The following VPS13A variants were observed in gnomAD, a reference collection of about 807,000 sequenced individuals.
VPS13A encodes vacuolar protein sorting 13 homolog A, also known as intermembrane lipid transfer protein VPS13A.
In VPS13A, 264 loss-of-function variants were observed where a neutral mutation model predicts 390.9. The observed-to-expected ratio is 0.68, with a 90% CI of 0.61 to 0.75. VPS13A has a LOEUF of 0.75. VPS13A is among the 30% of genes least tolerant of loss of function. VPS13A has a pLI of 0.00. For missense variants in VPS13A, 3,409 were observed against 3,733.9 expected (o/e 0.91, Z 2.27); for synonymous variants, 1,231 against 1,227.1 (o/e 1.00, Z -0.07).
chr9:77,306,434 G>GTGTGTC (rs1828757214), intron 34 of VPS13A, among the ~76,000 whole-genome samples: 1 of 151,552 alleles, frequency 6.6e-6, no homozygotes, highest in Admixed American at 6.6e-5. Flanking sequence ...GTGTGTGTGT[G>GTGTGTC]TGTGTGTGTG....
At chr9:77,399,914 G>A (rs1834296149) in intron 68 of VPS13A, among the ~76,000 whole-genome samples, 1 of 152,030 alleles carries the variant, frequency 6.6e-6, no homozygotes. Flanking sequence ...ACATTCTCTT[G>A]TAATATAATT....
Position 77,321,797 on chromosome 9 carries a change from A to G in VPS13A, c.5830+51A>G, listed in dbSNP as rs1265002122. The G allele has an allele frequency of 3.8e-6, 6 of 1,593,158 alleles. No individual in the cohort carries two copies. The Admixed American group carries it at 5.1e-5, about 13-fold the overall frequency. The stretch of plus-strand genomic sequence containing the variant: ...TGGGGCTATTTTGTTTTAAATTACA[A>G]TTTACATGTTATTTTACTCTTTTGT... On this transcript the variant is annotated intron_variant, in intron 44 of 71. Coordinates refer to ENST00000360280, the MANE Select transcript of VPS13A (RefSeq NM_033305.3).
At chr9:77,189,585 C>T (rs1223410139) in intron 1 of VPS13A, among the ~76,000 whole-genome samples, 4 of 152,024 alleles carry the variant, frequency 2.6e-5, no homozygotes, top group African/African-American at 9.7e-5. Context: ...GCTATTCAGG[C>T]TACTTTTTTG....
intron 57 of VPS13A, 147 bp from the exon 58 acceptor site, chr9:77,359,186 G>A (rs1831990239): frequency 2.9e-6 from 2 of 682,508 alleles, no homozygotes; most frequent in Non-Finnish European, 5.2e-6. Flanking sequence ...AATTAAGATT[G>A]TAGTAGATTT....
rs756028425 is a variant in VPS13A at position 77,380,469 on chromosome 9, G to A, written c.9078-1507G>A. Among the ~76,000 whole-genome samples, 4 of 151,650 alleles carry A rather than the reference G, an allele frequency of 2.6e-5. No individual in the cohort carries two copies. In the East Asian group the frequency reaches 5.8e-4, roughly 22 times the overall value. The stretch of plus-strand genomic sequence containing the variant: ...TGGGACTACATGCACATGCCACCAC[G>A]CCCGGCTAATTTTTGTATTTTTAGT... On this transcript the variant is annotated intron_variant, in intron 67 of 71. Transcript: ENST00000360280.
Position 77,308,419 on chromosome 9 carries a change from A to G in VPS13A, c.4114+321A>G, listed in dbSNP as rs2131410505. On this transcript the variant is annotated intron_variant, in intron 35 of 71. Coordinates refer to ENST00000360280, the MANE Select transcript of VPS13A (RefSeq NM_033305.3). ...ATTCATGTTTTCCTGACTTCCCTGTAGCTCCTCATTTTCCATTTTTCTCCC... is the reference window on the plus strand; with the variant it reads ...ATTCATGTTTTCCTGACTTCCCTGTGGCTCCTCATTTTCCATTTTTCTCCC... 1.3e-5 allele frequency among the ~76,000 whole-genome samples: 2 copies of G among 152,184 alleles called. 1 individual carries two copies. The highest frequency in any genetic ancestry group is 6.8e-3 in the Middle Eastern group (2 of 294).
intron 17 of VPS13A, among the ~76,000 whole-genome samples, chr9:77,231,740 G>C (rs1023401138): frequency 6.6e-6 from 1 of 152,034 alleles, no homozygotes; most frequent in Admixed American, 6.6e-5. Context: ...TTGGTGTACG[G>C]AAGTTTTTAA....
intron 3 of VPS13A, among the ~76,000 whole-genome samples, chr9:77,201,814 C>T (rs1825347192): frequency 1.3e-5 from 2 of 152,130 alleles, no homozygotes; most frequent in African/African-American, 2.4e-5. Flanking sequence ...CTAATTTCTG[C>T]TCTGCAAGTT....
chr9:77,324,035 T>C (rs1387877664), intron 45 of VPS13A, among the ~76,000 whole-genome samples: 1 of 152,172 alleles, frequency 6.6e-6, no homozygotes, highest in Admixed American at 6.5e-5. Context: ...CATTTTTATA[T>C]AAATTTGAGA....
At chr9:77,401,328 GTTGTGT>G (rs1479005727) in intron 68 of VPS13A, among the ~76,000 whole-genome samples, 3 of 95,166 alleles carry the variant, frequency 3.2e-5, no homozygotes, top group Admixed American at 2.4e-4. Context: ...ATCACATGAA[GTTGTGT>G]GTGTGTGTGT....
At chr9:77,287,066 T>G (rs2131358238) in intron 31 of VPS13A, among the ~76,000 whole-genome samples, 1 of 150,956 alleles carries the variant, frequency 6.6e-6, no homozygotes, top group East Asian at 1.9e-4. Flanking sequence ...GGCTATTCGG[T>G]TTATTCTAAA....
At chr9:77,250,326 C>A (rs567564738) in intron 21 of VPS13A, 97 bp downstream of exon 21, 4 of 1,410,186 alleles carry the variant, frequency 2.8e-6, no homozygotes, top group Non-Finnish European at 3.0e-6. Context: ...TGTGTTAGAA[C>A]GTCTATATTT....
chr9:77,226,053 T>C, intron 14 of VPS13A, 65 bp downstream of exon 14: 3 of 1,434,938 alleles, frequency 2.1e-6, no homozygotes, highest in Non-Finnish European at 2.9e-6. Context: ...ACAGATGTGA[T>C]ATTATTAATC....
At chr9:77,288,368 A>G (rs1486211743) in intron 31 of VPS13A, among the ~76,000 whole-genome samples, 2 of 152,058 alleles carry the variant, frequency 1.3e-5, no homozygotes, top group Admixed American at 6.6e-5. Context: ...AGTTTAAATT[A>G]TTGATTTGAG....
chr9:77,190,756 T>C (rs538172251), intron 1 of VPS13A, among the ~76,000 whole-genome samples: 12 of 152,324 alleles, frequency 7.9e-5, no homozygotes, highest in Non-Finnish European at 1.6e-4. Context: ...CAGAACTCAT[T>C]ATTGCTCTGT....
At chr9:77,212,532 C>T (rs2131150897) in intron 7 of VPS13A, among the ~76,000 whole-genome samples, 1 of 152,190 alleles carries the variant, frequency 6.6e-6, no homozygotes. Flanking sequence ...CAAGGTCTCA[C>T]TTTTTGTTGC....
intron 17 of VPS13A, among the ~76,000 whole-genome samples, chr9:77,229,189 C>T (rs1467701240): frequency 6.6e-6 from 1 of 152,100 alleles, no homozygotes; most frequent in Non-Finnish European, 1.5e-5. Flanking sequence ...GGCTAACCTC[C>T]AGCTTCAGCC....
At chr9:77,357,973 T>A (rs1831912618) in intron 56 of VPS13A, 135 bp downstream of exon 56, 1 of 765,842 alleles carries the variant, frequency 1.3e-6, no homozygotes, top group Non-Finnish European at 2.0e-6. Context: ...TTTTTTTTTT[T>A]GAGACAGAGT....
chr9:77,344,388 C>T (rs1276587149), intron 51 of VPS13A, 107 bp downstream of exon 51: 1 of 1,246,350 alleles, frequency 8.0e-7, no homozygotes, highest in African/African-American at 1.5e-5. Context: ...TGATTTTTCC[C>T]CTTTCCCCAA....
Sources: gnomAD v4.1 joint callset for allele counts (sites outside exome capture counted in the v4.1 genomes callset) on GRCh38, gnomAD v4.1.1 for gene constraint, MANE v1.5 for transcripts, NCBI Gene and HGNC (gene_info 2026-07-23, HGNC 2026-07-21) for gene names.